The following SPIDR variants were observed in gnomAD, a reference collection of about 807,000 sequenced individuals.
SPIDR encodes the protein scaffold protein involved in DNA repair, also known as DNA repair-scaffolding protein.
In SPIDR, 93 loss-of-function variants were observed where a neutral mutation model predicts 104.6. That is an observed-to-expected ratio of 0.89 (90% CI 0.75 to 1.06). The LOEUF (loss-of-function observed/expected upper bound fraction) is 1.06. Among genes scored for constraint, SPIDR ranks in the 50% least tolerant of loss-of-function variants. The probability of loss-of-function intolerance (pLI) is 0.00; values close to 1 mark genes in which losing one functional copy is unlikely to be tolerated. For missense variants in SPIDR, 1,154 were observed against 1,111.2 expected (o/e 1.04, Z -0.55); for synonymous variants, 431 against 416.9 (o/e 1.03, Z -0.41).
At chr8:47,477,792 C>G (rs2076449238) in intron 8 of SPIDR, among the ~76,000 whole-genome samples, 1 of 152,148 alleles carries the variant, frequency 6.6e-6, no homozygotes, top group Non-Finnish European at 1.5e-5. Flanking sequence ...ATTTCAGGGT[C>G]TTGGTAGAAA....
intron 8 of SPIDR, among the ~76,000 whole-genome samples, chr8:47,471,305 G>T (rs2075668165): frequency 7.3e-6 from 1 of 137,262 alleles, no homozygotes; most frequent in Non-Finnish European, 1.5e-5. Context: ...AATATATAGG[G>T]AATTCCTATA....
At chr8:47,733,773 G>A (rs911594337) in intron 19 of SPIDR, among the ~76,000 whole-genome samples, 11 of 152,036 alleles carry the variant, frequency 7.2e-5, no homozygotes, top group Admixed American at 1.3e-4. Context: ...TGCACTTGCC[G>A]TCCATGCCAC....
At chr8:47,579,676 T>C (rs1471116498) in intron 8 of SPIDR, among the ~76,000 whole-genome samples, 1 of 152,108 alleles carries the variant, frequency 6.6e-6, no homozygotes, top group African/African-American at 2.4e-5. Context: ...TAACACTTGA[T>C]AACTGTCAGC....
At chr8:47,277,627 A>T (rs1586213359) in intron 1 of SPIDR, among the ~76,000 whole-genome samples, 2 of 140,916 alleles carry the variant, frequency 1.4e-5, no homozygotes, top group African/African-American at 2.6e-5. Flanking sequence ...AAGTGCTGGG[A>T]TTACAGGTGT....
chr8:47,348,705 T>G (rs2052742430), intron 5 of SPIDR, among the ~76,000 whole-genome samples: 1 of 152,226 alleles, frequency 6.6e-6, no homozygotes, highest in Non-Finnish European at 1.5e-5. Context: ...TTCATTCATT[T>G]GATCTTCAGT....
At chr8:47,345,698 G>C (rs1043142430) in intron 5 of SPIDR, among the ~76,000 whole-genome samples, 33 of 152,144 alleles carry the variant, frequency 2.2e-4, no homozygotes, top group East Asian at 1.2e-3. Flanking sequence ...AAGTTGGATT[G>C]CTAGGTATTT....
intron 10 of SPIDR, among the ~76,000 whole-genome samples, chr8:47,604,608 T>G (rs1293691830): frequency 6.6e-6 from 1 of 152,168 alleles, no homozygotes; most frequent in African/African-American, 2.4e-5. Context: ...ATCCGTGGTC[T>G]AGATGTGTGT....
intron 11 of SPIDR, among the ~76,000 whole-genome samples, chr8:47,686,867 A>G (rs955970188): frequency 7.2e-5 from 11 of 151,864 alleles, no homozygotes; most frequent in Non-Finnish European, 1.5e-4. Flanking sequence ...CTATAGTAGG[A>G]TTGTCTTGAG....
chr8:47,375,143 G>A (rs1444934187), intron 5 of SPIDR, among the ~76,000 whole-genome samples: 1 of 151,410 alleles, frequency 6.6e-6, no homozygotes, highest in African/African-American at 2.4e-5. Flanking sequence ...GTTTTCAAGG[G>A]ATAAGATTTT....
intron 10 of SPIDR, among the ~76,000 whole-genome samples, chr8:47,638,550 T>C (rs1287102435): frequency 6.6e-6 from 1 of 152,230 alleles, no homozygotes; most frequent in Non-Finnish European, 1.5e-5. Flanking sequence ...TATGTACCTC[T>C]TGCTACTGGG....
intron 8 of SPIDR, among the ~76,000 whole-genome samples, chr8:47,521,038 A>G (rs978214205): frequency 6.6e-6 from 1 of 152,190 alleles, no homozygotes; most frequent in Non-Finnish European, 1.5e-5. Flanking sequence ...TTTAGAGGAA[A>G]ATGCATGTGT....
intron 11 of SPIDR, among the ~76,000 whole-genome samples, chr8:47,697,363 AATAAC>A (rs1409976082): frequency 6.6e-6 from 1 of 152,184 alleles, no homozygotes; most frequent in African/African-American, 2.4e-5. Flanking sequence ...ATTGTGGTAA[AATAAC>A]ATACTATAAA....
At chr8:47,488,137 C>A (rs1382191786) in intron 8 of SPIDR, among the ~76,000 whole-genome samples, 2 of 152,146 alleles carry the variant, frequency 1.3e-5, no homozygotes, top group Non-Finnish European at 2.9e-5. Flanking sequence ...AGAGAAGAAT[C>A]AGATAGACAC....
At chr8:47,695,477 T>G (rs1018376409) in intron 11 of SPIDR, among the ~76,000 whole-genome samples, 1 of 152,238 alleles carries the variant, frequency 6.6e-6, no homozygotes, top group Non-Finnish European at 1.5e-5. Flanking sequence ...AGCACCATTG[T>G]GGCTTAAATC....
intron 5 of SPIDR, among the ~76,000 whole-genome samples, chr8:47,368,937 GAAAGTTGTAGT>G (rs2057621046): frequency 6.6e-6 from 1 of 152,220 alleles, no homozygotes; most frequent in African/African-American, 2.4e-5. Flanking sequence ...TAGAACTTAT[GAAAGTTGTAGT>G]AAACTGCTGT....
intron 10 of SPIDR, among the ~76,000 whole-genome samples, chr8:47,601,269 A>G (rs2062243271): frequency 6.6e-6 from 1 of 152,230 alleles, no homozygotes; most frequent in African/African-American, 2.4e-5. Context: ...AGGCTAGACA[A>G]TATTATTTCC....
intron 5 of SPIDR, among the ~76,000 whole-genome samples, chr8:47,372,886 C>A (rs906453856): frequency 2.0e-5 from 3 of 152,122 alleles, no homozygotes; most frequent in Admixed American, 2.0e-4. Flanking sequence ...GACAGTAAGG[C>A]TCAGAGACTT....
chr8:47,410,421 C>T lies in SPIDR; in HGVS notation c.877+2460C>T, dbSNP rs536608909. ...ATCTCGAACTCCTGACCTCAGGTGACGCACCCACCTCAGCCTCCCAAAGTG... is the reference window on the plus strand; with the variant it reads ...ATCTCGAACTCCTGACCTCAGGTGATGCACCCACCTCAGCCTCCCAAAGTG... On this transcript the variant is annotated intron_variant, in intron 7 of 19. Coordinates refer to ENST00000297423, the MANE Select transcript of SPIDR (RefSeq NM_001080394.4). Among the ~76,000 whole-genome samples, 11 of 151,982 alleles carry T rather than the reference C, an allele frequency of 7.2e-5. 1 individual carries two copies. Among genetic ancestry groups the T allele is most frequent in the Admixed American group, 2.6e-4 (4 of 15,286 alleles).
intron 5 of SPIDR, among the ~76,000 whole-genome samples, chr8:47,371,128 G>GT (rs56285452): frequency 0.015 from 1,978 of 128,462 alleles, 14 homozygotes; most frequent in African/African-American, 0.03. Context: ...ACACAAGCAG[G>GT]TTTTTTTTTT....
Sources: gnomAD v4.1 joint callset for allele counts (sites outside exome capture counted in the v4.1 genomes callset) on GRCh38, gnomAD v4.1.1 for gene constraint, MANE v1.5 for transcripts, NCBI Gene and HGNC (gene_info 2026-07-23, HGNC 2026-07-21) for gene names.